ZNF627: variants seen among roughly 807,000 people sequenced by gnomAD.
The protein encoded by ZNF627 is zinc finger protein 627.
A neutral mutation model predicts 10.6 loss-of-function variants in ZNF627; 12 were observed. The observed-to-expected ratio is 1.13, with a 90% CI of 0.73 to 1.84. The LOEUF (loss-of-function observed/expected upper bound fraction) is 1.84. Among genes scored for constraint, ZNF627 ranks in the 40% most tolerant of loss-of-function variants. The pLI is 0.00. For synonymous variants in ZNF627, 176 were observed against 187.1 expected, an observed-to-expected ratio of 0.94 and a Z score of 0.48; for missense variants, 504 against 568.4, an observed-to-expected ratio of 0.89 and a Z score of 1.15.
chr19:11,601,220 G>A (rs1339163631), intron 1 of ZNF627, among the ~76,000 whole-genome samples: 2 of 152,242 alleles, frequency 1.3e-5, no homozygotes, highest in Non-Finnish European at 2.9e-5. Context: ...TTCATAGGCA[G>A]AGGTGGTTGA....
intron 1 of ZNF627, among the ~76,000 whole-genome samples, chr19:11,600,178 C>T (rs138342343): frequency 3.1e-3 from 472 of 152,202 alleles, no homozygotes; most frequent in African/African-American, 0.011. Flanking sequence ...CGATGGCTCA[C>T]GCATGTAATC....
chr19:11,610,805 C>A (rs556574733), intron 1 of ZNF627, among the ~76,000 whole-genome samples: 21 of 152,106 alleles, frequency 1.4e-4, no homozygotes, highest in Non-Finnish European at 2.8e-4. Context: ...CTTCTTGATT[C>A]GTGACTCGCT....
chr19:11,609,711 G>A (rs1050162858), intron 1 of ZNF627, among the ~76,000 whole-genome samples: 1 of 151,518 alleles, frequency 6.6e-6, no homozygotes, highest in African/African-American at 2.4e-5. Flanking sequence ...GTAGAGACGG[G>A]GTTTCACCAT....
At chr19:11,599,855 C>T (rs1009103418) in intron 1 of ZNF627, among the ~76,000 whole-genome samples, 11 of 151,604 alleles carry the variant, frequency 7.3e-5, no homozygotes, top group Admixed American at 1.3e-4. Flanking sequence ...TGCAGTGAAC[C>T]GAGATCACAC....
At chr19:11,616,025 A>G (rs1319693183) in intron 3 of ZNF627, among the ~76,000 whole-genome samples, 1 of 147,288 alleles carries the variant, frequency 6.8e-6, no homozygotes, top group Middle Eastern at 3.4e-3. Context: ...GGCCATGAAT[A>G]TCATTTTCTT....
At chr19:11,612,495 T>A (rs1973790111) in intron 1 of ZNF627, among the ~76,000 whole-genome samples, 2 of 144,950 alleles carry the variant, frequency 1.4e-5, no homozygotes, top group Non-Finnish European at 3.0e-5. Flanking sequence ...AATCTCAGCT[T>A]ACTGCAACCT....
chr19:11,616,292 T>C (rs1295169654), intron 3 of ZNF627, among the ~76,000 whole-genome samples: 1 of 152,154 alleles, frequency 6.6e-6, no homozygotes, highest in Non-Finnish European at 1.5e-5. Flanking sequence ...GTGATCCTCC[T>C]GTCTTGGCCT....
Position 11,617,718 on chromosome 19 carries a change from C to T in ZNF627, c.1215C>T (p.Tyr405=), listed in dbSNP as rs751222283. The T allele has an allele frequency of 3.1e-6, 5 of 1,610,874 alleles. No homozygotes were observed. In the East Asian group the frequency reaches 8.9e-5, roughly 29 times the overall value. ...KCGKAFSRSS[Y]FRIHERTHTG... ...GGAAAGCCTTCAGTCGTTCCAGTTA[C>T]TTCCGAATCCATGAAAGAACTCACA... Residue 405 remains tyrosine (Y), a synonymous_variant, in exon 4 of 4, where the codon TAC becomes TAT. Transcript: ENST00000361113.
At chr19:11,605,088 T>C (rs1373589622) in intron 1 of ZNF627, among the ~76,000 whole-genome samples, 4 of 142,540 alleles carry the variant, frequency 2.8e-5, no homozygotes, top group Non-Finnish European at 4.6e-5. Context: ...TTCTTTTTTT[T>C]TTTTTTTTTT....
chr19:11,605,080 C>CTTTTTTT (rs1006143184), intron 1 of ZNF627, among the ~76,000 whole-genome samples: 58 of 105,922 alleles, frequency 5.5e-4, no homozygotes, highest in South Asian at 6.4e-4. Flanking sequence ...TTCTTTCTTT[C>CTTTTTTT]TTTTTTTTTT....
chr19:11,617,980 G>C lies in ZNF627; in HGVS notation c.*91G>C, dbSNP rs755661158. ...TCTGTTTCTTTCAACTACGTGAAAG[G>C]ATTCACAGTGGAGAAAGACCCTGTA... On this transcript the variant is annotated 3_prime_UTR_variant, in exon 4 of 4. Coordinates refer to ENST00000361113, the MANE Select transcript of ZNF627 (RefSeq NM_145295.4). The C allele has an allele frequency of 8.0e-6, 9 of 1,131,458 alleles. No homozygotes were observed. Among genetic ancestry groups the C allele is most frequent in the Non-Finnish European group, 1.1e-5 (9 of 815,134 alleles). The allele number at this position is 1,131,458 out of a possible 1,614,324, so 70.1% of individuals were successfully genotyped here.
At chr19:11,616,456 T>C (rs1377092387) in intron 3 of ZNF627, among the ~76,000 whole-genome samples, 1 of 152,084 alleles carries the variant, frequency 6.6e-6, no homozygotes, top group Non-Finnish European at 1.5e-5. Context: ...TCCCTGGTAA[T>C]GTTAAACATG....
chr19:11,605,087 T>C (rs1234079389), intron 1 of ZNF627, among the ~76,000 whole-genome samples: 1 of 142,120 alleles, frequency 7.0e-6, no homozygotes, highest in African/African-American at 2.6e-5. Flanking sequence ...TTTCTTTTTT[T>C]TTTTTTTTTT....
At chr19:11,602,506 C>G (rs575864364) in intron 1 of ZNF627, among the ~76,000 whole-genome samples, 1 of 152,132 alleles carries the variant, frequency 6.6e-6, no homozygotes, top group African/African-American at 2.4e-5. Flanking sequence ...AATCTTCTGC[C>G]GCCATTTTCC....
At chr19:11,600,034 A>G (rs1017734968) in intron 1 of ZNF627, among the ~76,000 whole-genome samples, 4 of 152,216 alleles carry the variant, frequency 2.6e-5, no homozygotes, top group African/African-American at 9.6e-5. Context: ...TTTTTTAAGT[A>G]ACTATAAATG....
At chr19:11,599,322 C>T (rs182891252) in intron 1 of ZNF627, among the ~76,000 whole-genome samples, 97 of 152,298 alleles carry the variant, frequency 6.4e-4, no homozygotes, top group African/African-American at 2.2e-3. Context: ...TTTTCTTCCC[C>T]TAATTCCAGA....
At chr19:11,614,696 A>G (rs779915304) in intron 2 of ZNF627, 43 bp downstream of exon 2, 38 of 1,613,154 alleles carry the variant, frequency 2.4e-5, no homozygotes, top group Non-Finnish European at 3.0e-5. Flanking sequence ...TTAGAGAACA[A>G]GTGTTTCTAG....
chr19:11,612,450 G>C (rs182027576), intron 1 of ZNF627, among the ~76,000 whole-genome samples: 4,458 of 70,216 alleles, frequency 0.063, 329 homozygotes, highest in African/African-American at 0.2. Flanking sequence ...TTGAGACAGA[G>C]TCTCACTGTC....
At chr19:11,598,185 G>A (rs1375997775) in intron 1 of ZNF627, among the ~76,000 whole-genome samples, 1 of 152,166 alleles carries the variant, frequency 6.6e-6, no homozygotes, top group Non-Finnish European at 1.5e-5. Flanking sequence ...TGGATTGGTG[G>A]TTGTGGTTTA....
Sources: allele counts gnomAD v4.1 joint callset (sites outside exome capture counted in the v4.1 genomes callset), GRCh38; gene constraint gnomAD v4.1.1; transcripts MANE v1.5; gene names NCBI Gene and HGNC (gene_info 2026-07-23, HGNC 2026-07-21).